Variants in NUP107 observed in about 807,000 individuals in gnomAD.
The protein encoded by NUP107 is nucleoporin 107, also known as nuclear pore complex protein Nup107.
A neutral mutation model predicts 141.0 loss-of-function variants in NUP107; 101 were observed. The observed-to-expected ratio is 0.72, with a 90% CI of 0.61 to 0.84. The LOEUF (loss-of-function observed/expected upper bound fraction) is 0.84. Ranked by LOEUF, NUP107 falls within the 40% of genes least tolerant of loss-of-function variation. NUP107 has a pLI of 0.00. For missense variants in NUP107, 941 were observed against 1,102.7 expected (o/e 0.85, Z 2.08); for synonymous variants, 319 against 363.9 (o/e 0.88, Z 1.41).
chr12:68,722,757 TC>T (rs1488119194), intron 17 of NUP107, among the ~76,000 whole-genome samples: 1 of 152,334 alleles, frequency 6.6e-6, no homozygotes, highest in Non-Finnish European at 1.5e-5. Context: ...AATGATAATC[TC>T]CAAGTTAGTT....
At chr12:68,732,986 T>G (rs1877903805) in intron 23 of NUP107, among the ~76,000 whole-genome samples, 3 of 152,194 alleles carry the variant, frequency 2.0e-5, no homozygotes, top group Non-Finnish European at 4.4e-5. Context: ...CCCAGATTTT[T>G]TATTCTTTTT....
In NUP107 at chr12:68,706,941, A is replaced by T. The variant is rs183281170; in HGVS notation, c.730-2297A>T. The T allele has an allele frequency of 1.9e-3, 1,272 of 677,402 alleles. 4 individuals carry two copies. Among genetic ancestry groups the T allele is most frequent in the Non-Finnish European group, 2.7e-3 (1,013 of 375,502 alleles). The allele number at this position is 677,402 out of a possible 1,614,324, so 42.0% of individuals were successfully genotyped here. ...AGCCCTGGCCTCAGCTACAGCCTGG[A>T]CTCCAGCTTTGGCTCTGGTGCGGGC... On this transcript the variant is annotated intron_variant, in intron 8 of 27. Coordinates refer to ENST00000229179, the MANE Select transcript of NUP107 (RefSeq NM_020401.4).
intron 1 of NUP107, chr12:68,687,443 C>T: frequency 6.5e-6 from 7 of 1,080,870 alleles, no homozygotes; most frequent in Non-Finnish European, 7.9e-6. Flanking sequence ...TCAGCCCAGA[C>T]TTTCTGATTA....
Position 68,692,014 on chromosome 12 carries a change from A to C in NUP107, c.350A>C (p.Gln117Pro), listed in dbSNP as rs1875816529. Residue 117 changes from glutamine to proline, a missense_variant, in exon 5 of 28, where the codon CAG (glutamine) becomes CCG (proline). Coordinates refer to ENST00000229179, the MANE Select transcript of NUP107 (RefSeq NM_020401.4). Reference protein sequence around the residue: ...DSNWAAAFSSQRSGLFTNTEP... With the variant: ...DSNWAAAFSSPRSGLFTNTEP... ...AACTGGGCAGCTGCATTTTCATCAC[A>C]GCGTTCCGGGCTGTTCACAAACACA... 6.2e-7 allele frequency: 1 copy of C among 1,609,008 alleles called. No homozygotes were observed. The highest frequency in any genetic ancestry group is 2.2e-5 in the East Asian group (1 of 44,830).
At chr12:68,687,525 A>G (rs1282006771) in intron 1 of NUP107, 7 of 995,194 alleles carry the variant, frequency 7.0e-6, no homozygotes, top group Non-Finnish European at 8.4e-6. Context: ...AACAAAGATC[A>G]GTTATTCAAG....
chr12:68,689,199 G>A, intron 2 of NUP107, 146 bp downstream of exon 2: 3 of 570,632 alleles, frequency 5.3e-6, no homozygotes, highest in South Asian at 2.7e-5. Flanking sequence ...GCTGTCATTT[G>A]GTAAATATAA....
intron 21 of NUP107, 127 bp from the exon 22 acceptor site, chr12:68,731,480 T>C: frequency 6.5e-6 from 4 of 619,300 alleles, no homozygotes; most frequent in Non-Finnish European, 1.0e-5. Flanking sequence ...ATAAATATCT[T>C]TCATATTTTA....
rs959676986 is a variant in NUP107 at position 68,709,868 on chromosome 12, G to A, written c.802-137G>A. 57 of 498,170 alleles carry A rather than the reference G, an allele frequency of 1.1e-4. 1 individual carries two copies. The highest frequency in any genetic ancestry group is 9.5e-4 in the South Asian group (50 of 52,838). The allele number at this position is 498,170 out of a possible 1,614,324, so 30.9% of individuals were successfully genotyped here. The stretch of plus-strand genomic sequence containing the variant: ...TATGCCACTGCACTCCAGCCTGCAC[G>A]ACAGAGTGAGACTCTTTCTCAAAAA... On this transcript the variant is annotated intron_variant, in intron 9 of 27. Transcript: ENST00000229179.
At position 68,692,306 on chromosome 12, in the gene NUP107, C is replaced by T. The variant is rs867347979; in HGVS notation, c.448+194C>T. Reference sequence around the variant, plus strand: ...ACAAGAGTCTCACTCTGTTGCCGGGCGCGGTGGCTCATGCCTATAATCCTA... The same window carrying T: ...ACAAGAGTCTCACTCTGTTGCCGGGTGCGGTGGCTCATGCCTATAATCCTA... On this transcript the variant is annotated intron_variant, in intron 5 of 27. Transcript: ENST00000229179. The T allele has an allele frequency of 6.7e-5, 35 of 523,812 alleles. No homozygotes were observed. In the Middle Eastern group the frequency reaches 2.2e-3, roughly 33 times the overall value. The allele number at this position is 523,812 out of a possible 1,614,324, so 32.4% of individuals were successfully genotyped here.
chr12:68,736,717 CTT>C (rs10713889), intron 26 of NUP107, among the ~76,000 whole-genome samples: 2,913 of 105,846 alleles, frequency 0.028, 73 homozygotes, highest in African/African-American at 0.1. Flanking sequence ...GTGTCGCCAC[CTT>C]TTTTTTTTTT....
At chr12:68,704,215 A>G (rs1435608366) in intron 8 of NUP107, among the ~76,000 whole-genome samples, 3 of 152,194 alleles carry the variant, frequency 2.0e-5, no homozygotes, top group African/African-American at 7.2e-5. Flanking sequence ...TGGGATCCTG[A>G]AAGGACCTTG....
intron 2 of NUP107, 76 bp from the exon 3 acceptor site, chr12:68,689,457 A>C: frequency 1.2e-6 from 1 of 821,342 alleles, no homozygotes; most frequent in Non-Finnish European, 2.0e-6. Flanking sequence ...CATAATTTGT[A>C]TAGTAAAAAG....
At chr12:68,704,091 G>A (rs77378605) in intron 8 of NUP107, among the ~76,000 whole-genome samples, 1 of 152,122 alleles carries the variant, frequency 6.6e-6, no homozygotes, top group African/African-American at 2.4e-5. Flanking sequence ...TAAAAAAAAA[G>A]TGCAGTGAAT....
chr12:68,710,902 C>T (rs1216054607), intron 10 of NUP107, among the ~76,000 whole-genome samples: 1 of 151,966 alleles, frequency 6.6e-6, no homozygotes, highest in Non-Finnish European at 1.5e-5. Context: ...CAAGTAGGGT[C>T]CCCTATGGAT....
At chr12:68,688,766 A>G (rs755011559) in intron 1 of NUP107, among the ~76,000 whole-genome samples, 196 bp from the exon 2 acceptor site, 1 of 152,212 alleles carries the variant, frequency 6.6e-6, no homozygotes, top group Admixed American at 6.5e-5. Flanking sequence ...TGTGCAGGTA[A>G]GATTTGAGTA....
Position 68,693,334 on chromosome 12 carries a change from C to T in NUP107, c.448+1222C>T, listed in dbSNP as rs567101464. Reference sequence around the variant, plus strand: ...TCAAGTGATCCGTCCTCCTCAGCCTCCCAAAGTCCTGAGATTACAGGCGTA... The same window carrying T: ...TCAAGTGATCCGTCCTCCTCAGCCTTCCAAAGTCCTGAGATTACAGGCGTA... On this transcript the variant is annotated intron_variant, in intron 5 of 27. Coordinates refer to ENST00000229179, the MANE Select transcript of NUP107 (RefSeq NM_020401.4). Among the ~76,000 whole-genome samples the T allele has an allele frequency of 3.9e-5, 6 of 152,228 alleles. No individual in the cohort carries two copies. In the East Asian group the frequency reaches 1.2e-3, roughly 29 times the overall value.
At chr12:68,740,916 C>T (rs900174297) in intron 26 of NUP107, among the ~76,000 whole-genome samples, 11 of 151,164 alleles carry the variant, frequency 7.3e-5, no homozygotes, top group Non-Finnish European at 1.2e-4. Flanking sequence ...CATGGTGGCA[C>T]ATGCCTGTGG....
At chr12:68,718,662 G>A (rs1487364737) in intron 12 of NUP107, among the ~76,000 whole-genome samples, 4 of 151,666 alleles carry the variant, frequency 2.6e-5, no homozygotes, top group Non-Finnish European at 5.9e-5. Flanking sequence ...AGGTATGGTG[G>A]CTCATACCTG....
rs1004578146 is a variant in NUP107 at position 68,688,871 on chromosome 12, T to G, written c.9-91T>G. On this transcript the variant is annotated intron_variant, in intron 1 of 27. Coordinates refer to ENST00000229179, the MANE Select transcript of NUP107 (RefSeq NM_020401.4). ...CTAGAATGACTATACCTTAACTTAC[T>G]CAGGGTCCTTTACTCCAACTGTGAT... The G allele has an allele frequency of 4.7e-6, 4 of 847,198 alleles. No homozygotes were observed. The African/African-American group carries it at 7.3e-5, about 16-fold the overall frequency. 52.5% of individuals were successfully genotyped at this position (847,198 alleles called of 1,614,324 possible).
Sources: gnomAD v4.1 joint callset for allele counts (sites outside exome capture counted in the v4.1 genomes callset) on GRCh38, gnomAD v4.1.1 for gene constraint, MANE v1.5 for transcripts, NCBI Gene and HGNC (gene_info 2026-07-23, HGNC 2026-07-21) for gene names.